The following TAB2 variants were observed in gnomAD, a reference collection of about 807,000 sequenced individuals.
TAB2 encodes TGF-beta-activated kinase 1 and MAP3K7-binding protein 2.
Under a neutral mutation model 65.0 loss-of-function variants are expected in TAB2, and 3 were observed. The observed-to-expected ratio is 0.05, with a 90% CI of 0.02 to 0.12. The LOEUF (loss-of-function observed/expected upper bound fraction) is 0.12. Ranked by LOEUF, TAB2 falls within the 10% of genes least tolerant of loss-of-function variation. The pLI is 1.00. For missense variants in TAB2, 623 were observed against 840.3 expected, an observed-to-expected ratio of 0.74 and a Z score of 3.20; for synonymous variants, 298 against 285.1, an observed-to-expected ratio of 1.05 and a Z score of -0.46.
intron 1 of TAB2, among the ~76,000 whole-genome samples, chr6:149,365,461 T>G (rs186722628): frequency 2.6e-5 from 4 of 152,314 alleles, no homozygotes; most frequent in African/African-American, 9.6e-5. Flanking sequence ...TTATATTATG[T>G]CATTTCACTG....
intron 6 of TAB2, among the ~76,000 whole-genome samples, chr6:149,408,176 T>A (rs1782730337): frequency 1.3e-5 from 2 of 152,350 alleles, no homozygotes; most frequent in African/African-American, 4.8e-5. Context: ...TAAACTGTAT[T>A]TCTTTTCAGT....
At chr6:149,220,250 C>T (rs569147114) in intron 1 of TAB2, among the ~76,000 whole-genome samples, 7 of 152,202 alleles carry the variant, frequency 4.6e-5, no homozygotes, top group Admixed American at 4.6e-4. Context: ...TTTTATAAAC[C>T]TTTCAGATAC....
intron 3 of TAB2, among the ~76,000 whole-genome samples, chr6:149,389,784 GT>G (rs1342420981): frequency 6.6e-6 from 1 of 151,814 alleles, no homozygotes; most frequent in Non-Finnish European, 1.5e-5. Flanking sequence ...TAAAATAAAA[GT>G]TTTAGATTAT....
chr6:149,360,539 C>T (rs1007634093), intron 1 of TAB2, among the ~76,000 whole-genome samples: 3 of 152,156 alleles, frequency 2.0e-5, no homozygotes, highest in African/African-American at 7.2e-5. Flanking sequence ...ATGGTCCAGT[C>T]GCCTCCCACC....
chr6:149,368,643 A>ATTTGTGTGTGTG, intron 1 of TAB2, among the ~76,000 whole-genome samples: 1 of 109,192 alleles, frequency 9.2e-6, no homozygotes, highest in African/African-American at 3.8e-5. Context: ...GAATGCGAAA[A>ATTTGTGTGTGTG]TTTGTGTGTG....
intron 1 of TAB2, among the ~76,000 whole-genome samples, chr6:149,275,120 C>CTGTTT (rs199786561): frequency 2.1e-5 from 2 of 94,688 alleles, no homozygotes; most frequent in African/African-American, 4.6e-5. Context: ...TTTTTCTCTT[C>CTGTTT]TTCTGTTTTT....
At chr6:149,266,998 A>T (rs1562393906) in intron 1 of TAB2, among the ~76,000 whole-genome samples, 1 of 152,238 alleles carries the variant, frequency 6.6e-6, no homozygotes, top group African/African-American at 2.4e-5. Flanking sequence ...GTTGGAAATT[A>T]TTGAATTTTA....
At chr6:149,260,961 T>G (rs1202275832) in intron 1 of TAB2, among the ~76,000 whole-genome samples, 1 of 152,196 alleles carries the variant, frequency 6.6e-6, no homozygotes, top group South Asian at 2.1e-4. Flanking sequence ...ATTAAAAAAT[T>G]TGAAGCTATA....
intron 3 of TAB2, among the ~76,000 whole-genome samples, chr6:149,387,058 TC>T (rs1263038056): frequency 6.6e-6 from 1 of 152,198 alleles, no homozygotes; most frequent in African/African-American, 2.4e-5. Context: ...GTATTGTCTT[TC>T]ACTTTCTTGA....
At chr6:149,309,843 T>C (rs1047053895) in intron 1 of TAB2, among the ~76,000 whole-genome samples, 2 of 151,782 alleles carry the variant, frequency 1.3e-5, no homozygotes. Flanking sequence ...TAGTTTCCCA[T>C]TTCCCTTCCC....
At chr6:149,383,586 C>G (rs995352059) in intron 3 of TAB2, among the ~76,000 whole-genome samples, 1 of 152,008 alleles carries the variant, frequency 6.6e-6, no homozygotes, top group Non-Finnish European at 1.5e-5. Context: ...CACCCAGTAA[C>G]ACAGTCTTTT....
At chr6:149,234,644 G>C (rs1232222814) in intron 1 of TAB2, among the ~76,000 whole-genome samples, 1 of 152,152 alleles carries the variant, frequency 6.6e-6, no homozygotes, top group Non-Finnish European at 1.5e-5. Flanking sequence ...TCATTTTCTT[G>C]TGGACAAGAT....
chr6:149,376,517 C>T (rs1403518933), intron 2 of TAB2, among the ~76,000 whole-genome samples: 2 of 152,172 alleles, frequency 1.3e-5, no homozygotes, highest in African/African-American at 2.4e-5. Flanking sequence ...TTCTTCTTTA[C>T]TCGTGCCATT....
intron 1 of TAB2, among the ~76,000 whole-genome samples, chr6:149,341,836 A>G (rs773065393): frequency 6.6e-6 from 1 of 152,170 alleles, no homozygotes; most frequent in Non-Finnish European, 1.5e-5. Context: ...TGAGAGCAGC[A>G]GAAAATTCTA....
rs962520265 is a variant in TAB2, at chr6:149,378,422, A to G, written c.507A>G (p.Gln169=). The stretch of plus-strand genomic sequence containing the variant: ...GCAAAGGAACATCTAGCCTTTCTCA[A>G]CAAACTCCCAGATTTAATCCCATTA... ...LGSKGTSSLS[Q]QTPRFNPIMV... The change falls in exon 3 of 7, where the codon CAA becomes CAG. Residue 169 remains glutamine (Q), a synonymous_variant. Transcript: ENST00000637181. The G allele has an allele frequency of 1.4e-5, 22 of 1,614,088 alleles. No individual in the cohort carries two copies. In the Admixed American group the frequency reaches 2.0e-4, roughly 15 times the overall value.
chr6:149,342,044 A>AAT (rs1780146957), intron 1 of TAB2, among the ~76,000 whole-genome samples: 1 of 120,394 alleles, frequency 8.3e-6, no homozygotes, highest in South Asian at 2.6e-4. Context: ...CCTAACAAAA[A>AAT]TTAAAAAAAA....
In TAB2 at chr6:149,324,485, A is replaced by G. The variant is rs549958909; in HGVS notation, c.-90+6470A>G. ...ATTATTTTTGACCTTTAATATCTTA[A>G]TGTTTACCTTTTTTAATGTTAGCAA... On this transcript the variant is annotated intron_variant, in intron 1 of 6. Coordinates refer to ENST00000637181, the MANE Select transcript of TAB2 (RefSeq NM_001292034.3). 2.0e-5 allele frequency among the ~76,000 whole-genome samples: 3 copies of G among 152,170 alleles called. No individual in the cohort carries two copies. In the East Asian group the frequency reaches 5.8e-4, roughly 29 times the overall value.
chr6:149,267,400 G>A (rs1276882943), intron 1 of TAB2, among the ~76,000 whole-genome samples: 8 of 152,274 alleles, frequency 5.3e-5, no homozygotes, highest in Non-Finnish European at 1.0e-4. Context: ...CCAGTGTCAC[G>A]AACCAGAGGA....
At chr6:149,315,276 C>G (rs1170775848), upstream of TAB2, among the ~76,000 whole-genome samples, 3 of 152,258 alleles carry the variant, frequency 2.0e-5, no homozygotes, top group East Asian at 5.8e-4. Context: ...CAAAAACATC[C>G]GGATTCACCA....
Sources: allele counts gnomAD v4.1 joint callset (sites outside exome capture counted in the v4.1 genomes callset), GRCh38; gene constraint gnomAD v4.1.1; transcripts MANE v1.5; gene names NCBI Gene and HGNC (gene_info 2026-07-23, HGNC 2026-07-21).